COL20A1: variants seen among roughly 807,000 people sequenced by gnomAD.
COL20A1 encodes the protein collagen type XX alpha 1 chain, also known as collagen alpha-1(XX) chain.
Under a neutral mutation model 152.9 loss-of-function variants are expected in COL20A1, and 164 were observed. That is an observed-to-expected ratio of 1.07 (90% confidence interval 0.94 to 1.22). The LOEUF (loss-of-function observed/expected upper bound fraction) is 1.22, where lower values mean the gene tolerates loss of function less well. Among genes scored for constraint, COL20A1 ranks in the 50% most tolerant of loss-of-function variants. The pLI, the probability that COL20A1 is intolerant of heterozygous loss-of-function variation, is 0.00. For missense variants in COL20A1, 1,873 were observed against 1,744.8 expected (o/e 1.07, Z -1.31); for synonymous variants, 864 against 756.0 (o/e 1.14, Z -2.34).
chr20:63,295,844 G>A (rs571928454), intron 2 of COL20A1, among the ~76,000 whole-genome samples: 2 of 152,256 alleles, frequency 1.3e-5, no homozygotes, highest in South Asian at 2.1e-4. Flanking sequence ...AGAAGGCTCC[G>A]GGGCCTCGGC....
At position 63,306,799 on chromosome 20, in the gene COL20A1, T is replaced by G. The variant is rs1427870884; in HGVS notation, c.497-691T>G. Among the ~76,000 whole-genome samples, 3 of 152,188 alleles carry G rather than the reference T, an allele frequency of 2.0e-5. No individual in the cohort carries two copies. The highest frequency in any genetic ancestry group is 7.2e-5 in the African/African-American group (3 of 41,444). On this transcript the variant is annotated intron_variant, in intron 5 of 35. Coordinates refer to ENST00000358894, the MANE Select transcript of COL20A1 (RefSeq NM_020882.4). This position sits in a 1 kb window ranked among gnomAD's most constrained non-coding sequence, Gnocchi z 6.9. ...CAGGATTCTACCTCCCCCGTCAGAC[T>G]TGGAACTGAAGGAAGTGTTCTCCTC...
chr20:63,310,410 G>A lies in COL20A1; in HGVS notation c.1293G>A (p.Thr431=), dbSNP rs780583500. 23 of 1,610,904 alleles carry A rather than the reference G, an allele frequency of 1.4e-5. No homozygotes were observed. Among genetic ancestry groups the A allele is most frequent in the Middle Eastern group, 3.3e-4 (2 of 6,046 alleles). ...EVVVEGPAAS[T]ELHNLASRTE... is the part of the protein sequence containing the mutation. Reference sequence around the variant, plus strand: ...TGGTGGAGGGACCCGCCGCCTCCACGGAGCTGCACAACCTGGCCTCCCGCA... The same window carrying A: ...TGGTGGAGGGACCCGCCGCCTCCACAGAGCTGCACAACCTGGCCTCCCGCA... The change falls in exon 11 of 36, where the codon ACG becomes ACA. Residue 431 remains threonine (T), a synonymous_variant. Transcript: ENST00000358894.
rs995530840 is a variant in COL20A1 at position 63,305,476 on chromosome 20, C to T, written c.253C>T (p.Leu85=). ...TKTPKATVGG[L]SPSKGYTLQI... is the part of the protein sequence containing the mutation. ...GACCCCTAAGGCCACAGTGGGGGGC[C>T]TGAGCCCCTCCAAGGGCTACACCTT... is the stretch of plus-strand genomic sequence containing the variant. The change falls in exon 4 of 36, where the codon CTG becomes TTG. Residue 85 remains leucine, a synonymous_variant. Coordinates refer to ENST00000358894, the MANE Select transcript of COL20A1 (RefSeq NM_020882.4). The surrounding 1 kb of genome is among the most constrained non-coding windows in gnomAD (Gnocchi z 4.9). 2 of 1,604,518 alleles carry T rather than the reference C, an allele frequency of 1.2e-6. No individual in the cohort carries two copies. The highest frequency in any genetic ancestry group is 1.3e-5 in the African/African-American group (1 of 74,418).
At position 63,319,943 on chromosome 20, in the gene COL20A1, GATGGGTGTTA is replaced by G; in HGVS notation, c.2917-95_2917-86del. Reference sequence around the variant, plus strand: ...CAGGTTCCTGACCCCAGGTCCCAGGGATGGGTGTTACTCCCCAGCCCTGGCCTGGCCTTGG... The same window carrying G: ...CAGGTTCCTGACCCCAGGTCCCAGGGCTCCCCAGCCCTGGCCTGGCCTTGG... On this transcript the variant is annotated intron_variant, in intron 23 of 35. Transcript: ENST00000358894. This position sits in a 1 kb window ranked among gnomAD's most constrained non-coding sequence, Gnocchi z 4.4. 2 of 1,233,008 alleles carry G rather than the reference GATGGGTGTTA, an allele frequency of 1.6e-6. No individual in the cohort carries two copies. The highest frequency in any genetic ancestry group is 2.2e-6 in the Non-Finnish European group (2 of 900,524). 76.4% of individuals were successfully genotyped at this position (1,233,008 alleles called of 1,614,324 possible). A position where few individuals can be genotyped will look rare whatever the true frequency, so the allele number is the denominator to read the frequency against.
Position 63,309,805 on chromosome 20 carries a change from C to T in COL20A1, c.1153C>T (p.Leu385=), listed in dbSNP as rs2067980275. ...CCTCCCTGCCCCCACCAGCCTGGTC[C>T]TGAGCCAGGTGACCTCCTCCAGCAT... is the stretch of plus-strand genomic sequence containing the variant. The part of the protein sequence containing the change: ...DTLPAPTSLV[L]SQVTSSSIRL... The change falls in exon 10 of 36, where the codon CTG becomes TTG. Residue 385 remains leucine (L), a synonymous_variant. Transcript: ENST00000358894. 1.9e-6 allele frequency: 3 copies of T among 1,608,346 alleles called. No homozygotes were observed. The highest frequency in any genetic ancestry group is 1.7e-5 in the Admixed American group (1 of 59,600).
intron 19 of COL20A1, among the ~76,000 whole-genome samples, chr20:63,315,140 C>T (rs1289962967): frequency 6.6e-6 from 1 of 152,264 alleles, no homozygotes; most frequent in African/African-American, 2.4e-5. Context: ...CTGGTACGAC[C>T]CGGGGCCCAC....
intron 27 of COL20A1, chr20:63,324,234 A>G (rs573456520): frequency 9.2e-5 from 14 of 152,196 alleles, no homozygotes; most frequent in African/African-American, 3.4e-4. Flanking sequence ...GTTTTCTTGG[A>G]TTTTCCAGGT....
chr20:63,320,813 G>C (rs888511633), intron 25 of COL20A1, among the ~76,000 whole-genome samples, 200 bp from the exon 26 acceptor site: 1 of 152,138 alleles, frequency 6.6e-6, no homozygotes, highest in African/African-American at 2.4e-5. Flanking sequence ...CCCAGGGCCG[G>C]CTGGACACAC....
chr20:63,324,494 T>C (rs954282697), intron 27 of COL20A1: 1 of 152,242 alleles, frequency 6.6e-6, no homozygotes, highest in Non-Finnish European at 1.5e-5. Context: ...CCATCCACTC[T>C]TCTTTTATTA....
At chr20:63,314,260 C>T in intron 19 of COL20A1, 59 bp downstream of exon 19, 1 of 1,463,400 alleles carries the variant, frequency 6.8e-7, no homozygotes. Flanking sequence ...GGCCCTAGAC[C>T]CCAGACCCTG....
chr20:63,318,465 G>T (rs2068113291), intron 21 of COL20A1, among the ~76,000 whole-genome samples: 1 of 152,192 alleles, frequency 6.6e-6, no homozygotes, highest in African/African-American at 2.4e-5. Context: ...GAACATTAGG[G>T]GACCAAGACC....
chr20:63,322,095 G>T lies in COL20A1; in HGVS notation c.3278G>T (p.Gly1093Val), dbSNP rs750330737. The T allele has an allele frequency of 1.3e-4, 190 of 1,500,172 alleles. No homozygotes were observed. The highest frequency in any genetic ancestry group is 1.6e-4 in the Non-Finnish European group (185 of 1,129,096). 92.9% of individuals were successfully genotyped at this position (1,500,172 alleles called of 1,614,324 possible). A position where few individuals can be genotyped will look rare whatever the true frequency, so the allele number is the denominator to read the frequency against. The change falls in exon 27 of 36, where the codon GGC becomes GTC. Residue 1093 changes from glycine (G) to valine (V), a missense_variant. By Grantham distance (109) the Gly-to-Val change is moderately radical. Coordinates refer to ENST00000358894, the MANE Select transcript of COL20A1 (RefSeq NM_020882.4). Reference protein sequence around the residue: ...PGRNGTPGEQGFPGPRGPPGV... With the variant: ...PGRNGTPGEQVFPGPRGPPGV... ...AGGAATGGCACCCCAGGAGAGCAGG[G>T]CTTCCCAGGGCCCAGGGTAAGTTTT...
chr20:63,329,806 C>G (rs776328525), intron 35 of COL20A1, 145 bp downstream of exon 35: 5 of 623,230 alleles, frequency 8.0e-6, no homozygotes, highest in Admixed American at 3.0e-5. Flanking sequence ...GCGAGGTGGC[C>G]CTGGGGAAAG....
At chr20:63,328,936 GCTC>G (rs995980635) in intron 34 of COL20A1, among the ~76,000 whole-genome samples, 8 of 152,180 alleles carry the variant, frequency 5.3e-5, no homozygotes, top group African/African-American at 1.7e-4. Context: ...CCTTGTTGGT[GCTC>G]CTCCTCCTCT....
At position 63,311,452 on chromosome 20, in the gene COL20A1, C is replaced by A. The variant is rs749870830; in HGVS notation, c.1452C>A (p.His484Gln). 12 of 1,574,470 alleles carry A rather than the reference C, an allele frequency of 7.6e-6. No homozygotes were observed. Among genetic ancestry groups the A allele is most frequent in the Admixed American group, 1.9e-5 (1 of 53,828 alleles). ...TLAAVTPRTVHLTWQPSAGAT... is the reference protein window; with the variant it reads ...TLAAVTPRTVQLTWQPSAGAT... ...CCGCAGTGACGCCCAGAACCGTCCA[C>A]CTCACCTGGCAGCCCTCGGCCGGGG... is the stretch of plus-strand genomic sequence containing the variant. Residue 484 changes from histidine to glutamine, a missense_variant, in exon 12 of 36, where the codon CAC (histidine) becomes CAA (glutamine). Transcript: ENST00000358894. This position sits in a 1 kb window ranked among gnomAD's most constrained non-coding sequence, Gnocchi z 4.4.
Position 63,313,908 on chromosome 20 carries a change from C to A in COL20A1, c.2358+17C>A. The A allele has an allele frequency of 6.3e-7, 1 of 1,588,586 alleles. No individual in the cohort carries two copies. Among genetic ancestry groups the A allele is most frequent in the Non-Finnish European group, 8.6e-7 (1 of 1,167,470 alleles). On this transcript the variant is annotated intron_variant, in intron 18 of 35. Coordinates refer to ENST00000358894, the MANE Select transcript of COL20A1 (RefSeq NM_020882.4). This position sits in a 1 kb window ranked among gnomAD's most constrained non-coding sequence, Gnocchi z 5.9. The stretch of plus-strand genomic sequence containing the variant: ...GAGAAATCCGTGAGTCTTGGTAGAG[C>A]CTGAGGCTGCCCCACCTCGTGGGGC...
chr20:63,315,955 C>G (rs1217638254), intron 20 of COL20A1, among the ~76,000 whole-genome samples: 1 of 152,226 alleles, frequency 6.6e-6, no homozygotes. Flanking sequence ...TCACTTTGTA[C>G]CAATTAGTGC....
intron 27 of COL20A1, 39 bp downstream of exon 27, chr20:63,322,150 T>C: frequency 1.4e-6 from 2 of 1,448,182 alleles, no homozygotes; most frequent in Non-Finnish European, 9.2e-7. Flanking sequence ...GGGGCCTGGA[T>C]CGTACCTACC....
At position 63,305,355 on chromosome 20, in the gene COL20A1, G is replaced by A. The variant is rs1029512943; in HGVS notation, c.194-62G>A. ...AGGAGCCAAGAGGGTTTCACTCCCC[G>A]CCGTGACAGATGCACACACGTGTGC... On this transcript the variant is annotated intron_variant, in intron 3 of 35. Transcript: ENST00000358894. The surrounding 1 kb of genome is among the most constrained non-coding windows in gnomAD (Gnocchi z 4.9). 4.3e-5 allele frequency: 58 copies of A among 1,333,914 alleles called. No individual in the cohort carries two copies. Among genetic ancestry groups the A allele is most frequent in the South Asian group, 7.7e-5 (4 of 51,776 alleles). 82.6% of individuals were successfully genotyped at this position (1,333,914 alleles called of 1,614,324 possible). A position where few individuals can be genotyped will look rare whatever the true frequency, so the allele number is the denominator to read the frequency against.
Sources: gnomAD v4.1 joint callset for allele counts (sites outside exome capture counted in the v4.1 genomes callset) on GRCh38, gnomAD v4.1.1 for gene constraint, Gnocchi (gnomAD v3.1) non-coding constraint, MANE v1.5 for transcripts, NCBI Gene and HGNC (gene_info 2026-07-23, HGNC 2026-07-21) for gene names.